Variants in SHISA9 observed in about 807,000 individuals in gnomAD.
SHISA9 encodes shisa family member 9, also known as protein shisa-9.
In SHISA9, 13 loss-of-function variants were observed where a neutral mutation model predicts 38.0. The ratio of observed to expected loss-of-function variants is 0.34; its 90% CI spans 0.22 to 0.54. The LOEUF is 0.54. Among genes scored for constraint, SHISA9 ranks in the 20% least tolerant of loss-of-function variants. The pLI, the probability that SHISA9 is intolerant of heterozygous loss-of-function variation, is 0.91. For missense variants in SHISA9, 538 were observed against 575.8 expected, an observed-to-expected ratio of 0.93 and a Z score of 0.67; for synonymous variants, 275 against 242.0, an observed-to-expected ratio of 1.14 and a Z score of -1.27.
chr16:13,432,750 G>T, the SHISA9 span, among the ~76,000 whole-genome samples: 113,744 of 152,026 alleles, frequency 0.75, 42,745 homozygotes, highest in Admixed American at 0.83. Flanking sequence ...AAGAATAAGT[G>T]CATGTCCTTT....
chr16:13,442,075 G>A, the SHISA9 span, among the ~76,000 whole-genome samples: 2 of 152,242 alleles, frequency 1.3e-5, no homozygotes. Context: ...GCAGCCAGTA[G>A]TTAGCCTCAA....
chr16:12,970,987 G>A lies in SHISA9; in HGVS notation c.691+54172G>A, dbSNP rs1408100154. Among the ~76,000 whole-genome samples, 4 of 152,176 alleles carry A rather than the reference G, an allele frequency of 2.6e-5. No homozygotes were observed. The East Asian group carries it at 7.7e-4, about 29-fold the overall frequency. On this transcript the variant is annotated intron_variant, in intron 2 of 4. Coordinates refer to ENST00000558583, the MANE Select transcript of SHISA9 (RefSeq NM_001145204.3). ...GTTGAATGAATGAATGAAACAGCAC[G>A]TGGACAGTTAGAGATTGACTGAAGA... is the stretch of plus-strand genomic sequence containing the variant.
At chr16:13,452,208 A>G in the SHISA9 span, among the ~76,000 whole-genome samples, 1 of 152,166 alleles carries the variant, frequency 6.6e-6, no homozygotes, top group Non-Finnish European at 1.5e-5. Context: ...ACTGTTACAG[A>G]GGGAGGGTGC....
chr16:12,904,124 A>G (rs2071061158), intron 1 of SHISA9, among the ~76,000 whole-genome samples: 1 of 152,132 alleles, frequency 6.6e-6, no homozygotes, highest in East Asian at 1.9e-4. Context: ...CACCTTCCGC[A>G]ACCACAGGGT....
chr16:13,444,793 C>A, the SHISA9 span, among the ~76,000 whole-genome samples: 1 of 151,006 alleles, frequency 6.6e-6, no homozygotes, highest in Admixed American at 6.6e-5. Context: ...CTCCCTCTTC[C>A]CTCCCTCTTC....
the SHISA9 span, among the ~76,000 whole-genome samples, chr16:13,251,136 C>G: frequency 6.6e-6 from 1 of 152,134 alleles, no homozygotes; most frequent in Non-Finnish European, 1.5e-5. Context: ...GATGGAAAAG[C>G]TCTGAGAGGC....
rs117443399 is a variant in SHISA9, at chr16:13,051,095, T to G, written c.691+134280T>G. On this transcript the variant is annotated intron_variant, in intron 2 of 4. Coordinates refer to ENST00000558583, the MANE Select transcript of SHISA9 (RefSeq NM_001145204.3). ...TGCATAATGCATCCTACTGAGTACG[T>G]ACTTGTATTAGTCTGTTCTCACACT... Among the ~76,000 whole-genome samples, 94 of 151,536 alleles carry G rather than the reference T, an allele frequency of 6.2e-4. No individual in the cohort carries two copies. The East Asian group carries it at 0.015, about 25-fold the overall frequency.
intron 2 of SHISA9, among the ~76,000 whole-genome samples, chr16:12,974,477 T>TG (rs1055842527): frequency 5.9e-5 from 8 of 134,566 alleles, no homozygotes; most frequent in African/African-American, 2.3e-4. Context: ...TGATTTCTGG[T>TG]GGTTTTTTTT....
intron 2 of SHISA9, among the ~76,000 whole-genome samples, chr16:13,121,349 T>G (rs1352700388): frequency 6.6e-6 from 1 of 151,788 alleles, no homozygotes; most frequent in Admixed American, 6.6e-5. Context: ...ATTAGCCAGG[T>G]GTGGTGGTGA....
At chr16:13,123,020 C>T (rs1462060332) in intron 2 of SHISA9, among the ~76,000 whole-genome samples, 1 of 152,048 alleles carries the variant, frequency 6.6e-6, no homozygotes, top group Non-Finnish European at 1.5e-5. Context: ...GAACCCCAGC[C>T]TGGGCGACAG....
chr16:13,101,011 T>C (rs1652693040), intron 2 of SHISA9, among the ~76,000 whole-genome samples: 1 of 152,234 alleles, frequency 6.6e-6, no homozygotes, highest in Non-Finnish European at 1.5e-5. Context: ...TTGGCTATTT[T>C]AGATTCCATA....
intron 2 of SHISA9, among the ~76,000 whole-genome samples, chr16:13,015,450 G>A (rs2072729643): frequency 6.6e-6 from 1 of 152,244 alleles, no homozygotes; most frequent in Non-Finnish European, 1.5e-5. Context: ...CAACTGATGA[G>A]TGGGAGATCC....
the SHISA9 span, among the ~76,000 whole-genome samples, chr16:13,468,403 T>C: frequency 0.012 from 1,808 of 152,284 alleles, 27 homozygotes; most frequent in African/African-American, 0.038. Context: ...TTTTTCTTCC[T>C]TCTCATATGT....
At chr16:12,959,600 A>AC (rs11430580) in intron 2 of SHISA9, among the ~76,000 whole-genome samples, 29,299 of 152,182 alleles carry the variant, frequency 0.19, 3,457 homozygotes, top group Middle Eastern at 0.35. Flanking sequence ...TAGGGGTCAA[A>AC]AACCAGGGCG....
At chr16:13,153,478 G>A (rs906365695) in intron 2 of SHISA9, among the ~76,000 whole-genome samples, 1 of 152,128 alleles carries the variant, frequency 6.6e-6, no homozygotes, top group African/African-American at 2.4e-5. Context: ...GAACAGGTGT[G>A]GTGTACAGTA....
chr16:13,446,449 G>T, the SHISA9 span, among the ~76,000 whole-genome samples: 2 of 152,126 alleles, frequency 1.3e-5, no homozygotes, highest in Non-Finnish European at 2.9e-5. Flanking sequence ...ATAAAAAATT[G>T]AATTTGGTAT....
the SHISA9 span, among the ~76,000 whole-genome samples, chr16:13,419,540 T>C: frequency 6.6e-6 from 1 of 152,382 alleles, no homozygotes; most frequent in Admixed American, 6.5e-5. Flanking sequence ...TCTAGAACTC[T>C]GGAGTTTGAA....
intron 2 of SHISA9, among the ~76,000 whole-genome samples, chr16:13,124,886 A>G (rs749490292): frequency 5.3e-5 from 8 of 152,188 alleles, no homozygotes; most frequent in Non-Finnish European, 7.3e-5. Flanking sequence ...GTCTCTTCAA[A>G]AAATAGTACT....
chr16:13,195,241 G>C (rs2050925962), intron 2 of SHISA9, among the ~76,000 whole-genome samples: 1 of 152,084 alleles, frequency 6.6e-6, no homozygotes, highest in African/African-American at 2.4e-5. Context: ...ATGAGCCTGG[G>C]GAATCTTGTA....
Sources: gnomAD v4.1 joint callset for allele counts (sites outside exome capture counted in the v4.1 genomes callset) on GRCh38, gnomAD v4.1.1 for gene constraint, MANE v1.5 for transcripts, NCBI Gene and HGNC (gene_info 2026-07-23, HGNC 2026-07-21) for gene names.